Variants in MICAL2 observed in about 807,000 individuals in gnomAD.
MICAL2 encodes the protein [F-actin]-monooxygenase MICAL2.
MICAL2 carries 77 observed loss-of-function variants against 127.3 expected under a neutral mutation model. The observed-to-expected ratio is 0.60, with a 90% CI of 0.50 to 0.73. The LOEUF (loss-of-function observed/expected upper bound fraction) is 0.73, where lower values mean the gene tolerates loss of function less well. Ranked by LOEUF, MICAL2 falls within the 30% of genes least tolerant of loss-of-function variation. MICAL2 has a pLI of 0.00. For missense variants in MICAL2, 1,351 were observed against 1,434.4 expected, an observed-to-expected ratio of 0.94 and a Z score of 0.94; for synonymous variants, 570 against 551.1, an observed-to-expected ratio of 1.03 and a Z score of -0.48.
intron 17 of MICAL2, among the ~76,000 whole-genome samples, chr11:12,240,691 G>A (rs1304355733): frequency 1.3e-5 from 2 of 152,238 alleles, no homozygotes; most frequent in African/African-American, 2.4e-5. Flanking sequence ...TCTGTTTCCA[G>A]GTAGACTCCT....
intron 3 of MICAL2, among the ~76,000 whole-genome samples, chr11:12,164,110 A>T (rs192796589): frequency 6.6e-6 from 1 of 152,202 alleles, no homozygotes; most frequent in Non-Finnish European, 1.5e-5. Context: ...CTTCCAAAAC[A>T]TACTAGCCAG....
chr11:12,124,481 G>C (rs768626525), intron 1 of MICAL2, among the ~76,000 whole-genome samples: 2 of 152,108 alleles, frequency 1.3e-5, no homozygotes, highest in African/African-American at 4.8e-5. Context: ...TTAACGTTAC[G>C]TGTTCTCAGC....
At chr11:12,268,943 G>A (rs995489209) in intron 24 of MICAL2, among the ~76,000 whole-genome samples, 1 of 152,074 alleles carries the variant, frequency 6.6e-6, no homozygotes, top group Non-Finnish European at 1.5e-5. Flanking sequence ...AGCTTGCAGT[G>A]AGCCAAGATT....
intron 1 of MICAL2, among the ~76,000 whole-genome samples, chr11:12,118,927 T>C (rs1029305989): frequency 6.6e-6 from 1 of 152,198 alleles, no homozygotes; most frequent in Non-Finnish European, 1.5e-5. Flanking sequence ...ATGACACTGG[T>C]ATGGAGTCCT....
downstream of MICAL2, among the ~76,000 whole-genome samples, chr11:12,290,750 C>T (rs544017328): frequency 6.6e-5 from 10 of 152,274 alleles, no homozygotes; most frequent in African/African-American, 2.2e-4. Context: ...GCTTGCTGAC[C>T]GTGTGCGTGT....
At chr11:12,170,503 GAGA>G (rs1470484428) in intron 3 of MICAL2, among the ~76,000 whole-genome samples, 1 of 152,176 alleles carries the variant, frequency 6.6e-6, no homozygotes, top group Non-Finnish European at 1.5e-5. Context: ...TGTTCTTTAA[GAGA>G]AGAACACCTA....
chr11:12,181,062 G>A (rs1590214770), intron 3 of MICAL2, among the ~76,000 whole-genome samples: 2 of 151,840 alleles, frequency 1.3e-5, no homozygotes, highest in African/African-American at 4.8e-5. Context: ...TCCTGCCTCA[G>A]CCTCCCAAAT....
intron 32 of MICAL2, among the ~76,000 whole-genome samples, chr11:12,347,703 A>T (rs118055390): frequency 1.3e-5 from 2 of 152,222 alleles, no homozygotes; most frequent in Non-Finnish European, 2.9e-5. Context: ...TTTATATCAT[A>T]TTCAGTATTA....
chr11:12,263,800 C>T (rs183054545), downstream of MICAL2: 2 of 152,716 alleles, frequency 1.3e-5, no homozygotes, highest in East Asian at 3.9e-4. Context: ...ATTGTTTCCT[C>T]TCTTCTTTGC....
At chr11:12,119,554 C>G (rs1850331831) in intron 1 of MICAL2, among the ~76,000 whole-genome samples, 1 of 152,220 alleles carries the variant, frequency 6.6e-6, no homozygotes, top group South Asian at 2.1e-4. Flanking sequence ...TAGGCCGAGA[C>G]AGATGGCATG....
At chr11:12,111,230 C>CTTA (rs1393008931) in intron 1 of MICAL2, among the ~76,000 whole-genome samples, 1 of 152,186 alleles carries the variant, frequency 6.6e-6, no homozygotes, top group Non-Finnish European at 1.5e-5. Context: ...GGCCAAATGT[C>CTTA]AGTGGCCTGG....
Position 12,256,841 on chromosome 11 carries a change from C to T in MICAL2, c.3012C>T (p.Phe1004=). The T allele has an allele frequency of 1.9e-6, 3 of 1,614,164 alleles. No homozygotes were observed. In the South Asian group the frequency reaches 3.3e-5, roughly 18 times the overall value. The change falls in exon 24 of 28, where the codon TTC becomes TTT. Residue 1004 remains phenylalanine, a synonymous_variant. Coordinates refer to ENST00000683283, the MANE Select transcript of MICAL2 (RefSeq NM_001282663.2). ...LNLGGSDTCY[F]CKKRVYVMER... ...TGGGAGGCAGCGACACGTGTTACTT[C>T]TGTAAGAAACGTGTGTACGTGATGG... is the stretch of plus-strand genomic sequence containing the variant.
chr11:12,124,321 C>T (rs1295391839), intron 1 of MICAL2, among the ~76,000 whole-genome samples: 1 of 152,172 alleles, frequency 6.6e-6, no homozygotes, highest in African/African-American at 2.4e-5. Context: ...GACCGACTGA[C>T]TTTGGGAAGA....
In MICAL2 at chr11:12,143,925, A is replaced by G. The variant is rs192345053; in HGVS notation, c.-78+5465A>G. ...TCAGATCATTAGAGTGGAAAGAATAATGGCGGAGAGAGAGAGGGAAAGAGA... is the reference window on the plus strand; with the variant it reads ...TCAGATCATTAGAGTGGAAAGAATAGTGGCGGAGAGAGAGAGGGAAAGAGA... On this transcript the variant is annotated intron_variant, in intron 2 of 27. Transcript: ENST00000683283. Among the ~76,000 whole-genome samples the G allele has an allele frequency of 2.8e-4, 43 of 152,302 alleles. No homozygotes were observed. In the East Asian group the frequency reaches 7.9e-3, roughly 28 times the overall value.
chr11:12,137,209 G>A (rs1376608677), intron 1 of MICAL2, among the ~76,000 whole-genome samples: 4 of 152,212 alleles, frequency 2.6e-5, no homozygotes, highest in Non-Finnish European at 4.4e-5. Context: ...TGATGATGAC[G>A]GGCGGGCAGG....
At chr11:12,224,623 C>A in intron 12 of MICAL2, 50 bp from the exon 13 acceptor site, 2 of 1,591,386 alleles carry the variant, frequency 1.3e-6, no homozygotes, top group South Asian at 2.2e-5. Context: ...CCAGGGCAGA[C>A]CGTGTGAGAT....
chr11:12,145,684 T>C (rs1852823946), intron 2 of MICAL2, among the ~76,000 whole-genome samples: 1 of 152,192 alleles, frequency 6.6e-6, no homozygotes, highest in Non-Finnish European at 1.5e-5. Context: ...CGAATAGCCA[T>C]TAGTTATTTC....
chr11:12,170,070 TAAC>T (rs1298870119), intron 3 of MICAL2, among the ~76,000 whole-genome samples: 1 of 152,170 alleles, frequency 6.6e-6, no homozygotes, highest in Non-Finnish European at 1.5e-5. Flanking sequence ...GCCATCCTTG[TAAC>T]AACAACAGTT....
intron 4 of MICAL2, among the ~76,000 whole-genome samples, chr11:12,207,012 C>T (rs901689331): frequency 3.4e-5 from 5 of 149,236 alleles, no homozygotes; most frequent in African/African-American, 5.0e-5. Flanking sequence ...AACCTTCTAA[C>T]GTCGCAGTCT....
Sources: gnomAD v4.1 joint callset for allele counts (sites outside exome capture counted in the v4.1 genomes callset) on GRCh38, gnomAD v4.1.1 for gene constraint, MANE v1.5 for transcripts, NCBI Gene and HGNC (gene_info 2026-07-23, HGNC 2026-07-21) for gene names.